TMTC4: variants seen among roughly 807,000 people sequenced by gnomAD.
TMTC4 encodes transmembrane O-mannosyltransferase targeting cadherins 4, also known as protein O-mannosyl-transferase TMTC4.
In TMTC4, 65 loss-of-function variants were observed where a neutral mutation model predicts 86.0. The ratio of observed to expected loss-of-function variants is 0.76; its 90% confidence interval spans 0.62 to 0.93. TMTC4 has a LOEUF of 0.93. Ranked by LOEUF, TMTC4 falls within the 40% of genes least tolerant of loss-of-function variation. The pLI, the probability that TMTC4 is intolerant of heterozygous loss-of-function variation, is 0.00. For synonymous variants in TMTC4, 379 were observed against 382.5 expected (o/e 0.99, Z 0.11); for missense variants, 866 against 948.1 (o/e 0.91, Z 1.14).
intron 15 of TMTC4, among the ~76,000 whole-genome samples, chr13:100,616,543 C>T (rs1421700036): frequency 6.6e-6 from 1 of 152,142 alleles, no homozygotes; most frequent in African/African-American, 2.4e-5. Flanking sequence ...GGGTATATAA[C>T]CAGTCATGAG....
In TMTC4 at chr13:100,633,863, G is replaced by A. The variant is rs528099553; in HGVS notation, c.1506+942C>T. On this transcript the variant is annotated intron_variant, in intron 12 of 18. Coordinates refer to ENST00000342624, the MANE Select transcript of TMTC4 (RefSeq NM_032813.5). ...AAAAGAGGCAGTAAAAATATTGGTC[G>A]GGTGCAGTGGCTCACGCCTGTAATC... 3.3e-5 allele frequency among the ~76,000 whole-genome samples: 5 copies of A among 152,330 alleles called. No individual in the cohort carries two copies. In the East Asian group the frequency reaches 5.8e-4, roughly 18 times the overall value.
At chr13:100,675,052 G>C, upstream of TMTC4, 1 of 985,732 alleles carries the variant, frequency 1.0e-6, no homozygotes, top group Non-Finnish European at 1.2e-6. Context: ...CGAAGGAGGC[G>C]CAGGGACAGA....
intron 6 of TMTC4, among the ~76,000 whole-genome samples, chr13:100,652,681 A>C (rs1884608127): frequency 6.6e-6 from 1 of 152,170 alleles, no homozygotes; most frequent in Non-Finnish European, 1.5e-5. Flanking sequence ...CACTCTGCAT[A>C]AACACAGCAT....
At chr13:100,652,963 A>G (rs570628141) in intron 6 of TMTC4, among the ~76,000 whole-genome samples, 5 of 152,350 alleles carry the variant, frequency 3.3e-5, no homozygotes, top group African/African-American at 9.6e-5. Flanking sequence ...ATGAATGACT[A>G]AAATCAATAA....
chr13:100,617,720 C>A (rs1214759446), intron 15 of TMTC4, among the ~76,000 whole-genome samples: 1 of 152,192 alleles, frequency 6.6e-6, no homozygotes, highest in Admixed American at 6.5e-5. Flanking sequence ...CAGTACCATA[C>A]TGTTTTGGTT....
At chr13:100,632,212 TC>T (rs1881547485) in intron 12 of TMTC4, among the ~76,000 whole-genome samples, 1 of 152,048 alleles carries the variant, frequency 6.6e-6, no homozygotes, top group South Asian at 2.1e-4. Context: ...CTATGTTCCA[TC>T]CCCCTTATTT....
chr13:100,647,694 A>G (rs1883931615), intron 6 of TMTC4, among the ~76,000 whole-genome samples: 1 of 152,220 alleles, frequency 6.6e-6, no homozygotes, highest in Non-Finnish European at 1.5e-5. Context: ...AATGCCCAAA[A>G]GACAGCTCTT....
At chr13:100,633,065 C>T (rs985935699) in intron 12 of TMTC4, among the ~76,000 whole-genome samples, 2 of 152,126 alleles carry the variant, frequency 1.3e-5, no homozygotes, top group African/African-American at 2.4e-5. Context: ...GTAATCCCAG[C>T]ACTTTGGGAG....
At chr13:100,653,506 T>G (rs1378989426) in intron 6 of TMTC4, among the ~76,000 whole-genome samples, 1 of 152,098 alleles carries the variant, frequency 6.6e-6, no homozygotes, top group Non-Finnish European at 1.5e-5. Flanking sequence ...GTACAGCACC[T>G]TGTTGGGGAG....
rs776337799 is a variant in TMTC4 at position 100,663,070 on chromosome 13, A to T, written c.446T>A (p.Phe149Tyr). ...TTTACTGGTGTACTGCAGGCCGCCA[A>T]ACAGAACCGAGAAGACGTCCACCAT... ...VLMVDVFSVL[F>Y]GGLQYTSKGR... The change falls in exon 5 of 19, where the codon TTT (phenylalanine) becomes TAT (tyrosine). Residue 149 changes from phenylalanine to tyrosine, a missense_variant. Coordinates refer to ENST00000342624, the MANE Select transcript of TMTC4 (RefSeq NM_032813.5). 8 of 1,614,238 alleles carry T rather than the reference A, an allele frequency of 5.0e-6. No individual in the cohort carries two copies. The highest frequency in any genetic ancestry group is 5.9e-6 in the Non-Finnish European group (7 of 1,180,036).
chr13:100,653,002 G>T (rs1436259356), intron 6 of TMTC4, among the ~76,000 whole-genome samples: 3 of 152,172 alleles, frequency 2.0e-5, no homozygotes, highest in Non-Finnish European at 2.9e-5. Flanking sequence ...AACAGAATCA[G>T]AAACCCATGG....
chr13:100,649,794 TAAAA>T (rs956271332), intron 6 of TMTC4, among the ~76,000 whole-genome samples: 1 of 151,026 alleles, frequency 6.6e-6, no homozygotes, highest in African/African-American at 2.4e-5. Flanking sequence ...AATAAATAAA[TAAAA>T]ATTACTTAAT....
At chr13:100,654,001 G>A (rs1472211648) in intron 6 of TMTC4, among the ~76,000 whole-genome samples, 1 of 152,156 alleles carries the variant, frequency 6.6e-6, no homozygotes, top group African/African-American at 2.4e-5. Flanking sequence ...TGACTCCATC[G>A]GCTCCATTTA....
At chr13:100,668,900 A>G in intron 2 of TMTC4, 106 bp from the exon 3 acceptor site, 1 of 1,152,008 alleles carries the variant, frequency 8.7e-7, no homozygotes, top group Non-Finnish European at 1.2e-6. Flanking sequence ...CTATGATTTT[A>G]TAGGATGTGA....
intron 12 of TMTC4, among the ~76,000 whole-genome samples, chr13:100,633,089 G>A (rs1204084015): frequency 4.6e-5 from 7 of 152,136 alleles, no homozygotes; most frequent in Admixed American, 3.3e-4. Flanking sequence ...GAGGATGGGC[G>A]AATCACGAGG....
intron 6 of TMTC4, among the ~76,000 whole-genome samples, chr13:100,648,689 T>G (rs1316743557): frequency 2.0e-5 from 3 of 152,170 alleles, no homozygotes; most frequent in African/African-American, 4.8e-5. Context: ...TTTGGTATAT[T>G]TTTGTTTTGA....
At chr13:100,609,680 TAC>T (rs60083702) in intron 17 of TMTC4, among the ~76,000 whole-genome samples, 70 of 150,834 alleles carry the variant, frequency 4.6e-4, no homozygotes, top group African/African-American at 1.6e-3. Context: ...TGTATATATA[TAC>T]ACACACACAC....
At chr13:100,630,049 G>A (rs959571327) in intron 12 of TMTC4, among the ~76,000 whole-genome samples, 3 of 149,122 alleles carry the variant, frequency 2.0e-5, no homozygotes, top group Admixed American at 1.4e-4. Context: ...GTGTGTGTGT[G>A]TGTGTGTGTG....
At chr13:100,637,515 G>A (rs1468164094) in intron 9 of TMTC4, 23 bp downstream of exon 9, 1 of 1,594,952 alleles carries the variant, frequency 6.3e-7, no homozygotes, top group Non-Finnish European at 8.6e-7. Context: ...AAGAGTCCAG[G>A]GGGCGGCAGG....
Sources: allele counts gnomAD v4.1 joint callset (sites outside exome capture counted in the v4.1 genomes callset), GRCh38; gene constraint gnomAD v4.1.1; transcripts MANE v1.5; gene names NCBI Gene and HGNC (gene_info 2026-07-23, HGNC 2026-07-21).